The following GARIN1A variants were observed in gnomAD, a reference collection of about 807,000 sequenced individuals.
GARIN1A encodes the protein Golgi-associated RAB2 interactor protein 1A.
the GARIN1A span, among the ~76,000 whole-genome samples, chr7:128,702,206 G>C: frequency 2.0e-5 from 3 of 152,120 alleles, no homozygotes; most frequent in African/African-American, 4.8e-5. Context: ...ACTGAAACTT[G>C]AATCTGCACA....
chr7:128,698,500 C>T, the GARIN1A span, among the ~76,000 whole-genome samples: 1 of 152,172 alleles, frequency 6.6e-6, no homozygotes, highest in Admixed American at 6.5e-5. Flanking sequence ...CTATAATCTT[C>T]AATCTCTTCT....
the GARIN1A span, among the ~76,000 whole-genome samples, chr7:128,689,605 C>G: frequency 1.4e-5 from 2 of 142,364 alleles, no homozygotes; most frequent in Non-Finnish European, 3.2e-5. Context: ...GGCAGCCGCC[C>G]CGTCTGAGAA....
At chr7:128,708,080 A>G in the GARIN1A span, among the ~76,000 whole-genome samples, 1 of 150,222 alleles carries the variant, frequency 6.7e-6, no homozygotes, top group Non-Finnish European at 1.5e-5. Flanking sequence ...ATGGTATGTC[A>G]TGGCTCACTG....
the GARIN1A span, among the ~76,000 whole-genome samples, chr7:128,699,759 T>G: frequency 6.6e-6 from 1 of 152,242 alleles, no homozygotes; most frequent in Non-Finnish European, 1.5e-5. Flanking sequence ...TGTTTAAATA[T>G]TCTATATCCT....
At chr7:128,700,838 A>G in the GARIN1A span, among the ~76,000 whole-genome samples, 1 of 151,878 alleles carries the variant, frequency 6.6e-6, no homozygotes, top group Non-Finnish European at 1.5e-5. Context: ...TAACATGAGC[A>G]CACACACACA....
At chr7:128,683,383 C>T in the GARIN1A span, 1 of 378,948 alleles carries the variant, frequency 2.6e-6, no homozygotes, top group Non-Finnish European at 4.7e-6. Flanking sequence ...AGAACAGGAG[C>T]AGTTTTTGGA....
chr7:128,677,138 A>G, the GARIN1A span, among the ~76,000 whole-genome samples: 8 of 151,908 alleles, frequency 5.3e-5, no homozygotes, highest in African/African-American at 1.7e-4. Context: ...TTCTCCCTTC[A>G]GCATCCCCCA....
the GARIN1A span, among the ~76,000 whole-genome samples, chr7:128,676,712 C>A: frequency 6.6e-6 from 1 of 151,774 alleles, no homozygotes; most frequent in East Asian, 1.9e-4. Flanking sequence ...AGACAGCTAT[C>A]CTTTTCCTTG....
the GARIN1A span, among the ~76,000 whole-genome samples, chr7:128,672,712 A>G: frequency 9.2e-5 from 14 of 152,212 alleles, no homozygotes; most frequent in Admixed American, 4.6e-4. Flanking sequence ...CTGGGTCCCA[A>G]GTTCACCTCC....
At chr7:128,673,846 A>G in the GARIN1A span, among the ~76,000 whole-genome samples, 1 of 152,074 alleles carries the variant, frequency 6.6e-6, no homozygotes, top group Non-Finnish European at 1.5e-5. Context: ...GTCCAGTCTC[A>G]GGATCCAATT....
the GARIN1A span, among the ~76,000 whole-genome samples, chr7:128,698,502 A>G: frequency 1.6e-3 from 245 of 151,982 alleles, no homozygotes; most frequent in African/African-American, 5.2e-3. Context: ...ATAATCTTCA[A>G]TCTCTTCTGG....
the GARIN1A span, among the ~76,000 whole-genome samples, chr7:128,699,266 C>A: frequency 3.5e-5 from 5 of 141,050 alleles, 1 homozygote; most frequent in African/African-American, 5.1e-5. Context: ...TGCTGCCCCC[C>A]CCCCCCCACC....
At chr7:128,674,470 T>C in the GARIN1A span, among the ~76,000 whole-genome samples, 3 of 152,126 alleles carry the variant, frequency 2.0e-5, no homozygotes, top group South Asian at 2.1e-4. Flanking sequence ...GTTATAGTTA[T>C]AGTTGTTATA....
At chr7:128,683,550 A>C in the GARIN1A span, 1 of 152,012 alleles carries the variant, frequency 6.6e-6, no homozygotes, top group Non-Finnish European at 1.5e-5. Context: ...GGCTCACTGC[A>C]ACCTCCACCT....
At chr7:128,677,556 A>G in the GARIN1A span, 4 of 1,584,878 alleles carry the variant, frequency 2.5e-6, no homozygotes, top group Non-Finnish European at 3.4e-6. Context: ...TGTCCTGATT[A>G]TGTCCAGGCT....
At chr7:128,701,437 GAGGGGAGGGGA>G in the GARIN1A span, among the ~76,000 whole-genome samples, 1 of 83,604 alleles carries the variant, frequency 1.2e-5, no homozygotes. Context: ...AAGGGGAGGG[GAGGGGAGGGGA>G]GGGAAGGGAA....
chr7:128,682,159 AG>A, the GARIN1A span, among the ~76,000 whole-genome samples: 1 of 152,136 alleles, frequency 6.6e-6, no homozygotes, highest in Non-Finnish European at 1.5e-5. Context: ...GGGTTGTCCA[AG>A]GAAGGCTCTC....
chr7:128,699,499 C>T, the GARIN1A span, among the ~76,000 whole-genome samples: 17 of 152,180 alleles, frequency 1.1e-4, no homozygotes, highest in Non-Finnish European at 1.3e-4. Flanking sequence ...ACTTTGATGT[C>T]TGAATCTCAC....
the GARIN1A span, chr7:128,675,909 T>C: frequency 7.5e-7 from 1 of 1,326,694 alleles, no homozygotes; most frequent in East Asian, 2.3e-5. Flanking sequence ...GACTGGGATA[T>C]GCATTGCTTT....
Sources: gnomAD v4.1 joint callset for allele counts (sites outside exome capture counted in the v4.1 genomes callset) on GRCh38, gnomAD v4.1.1 for gene constraint, MANE v1.5 for transcripts, NCBI Gene and HGNC (gene_info 2026-07-23, HGNC 2026-07-21) for gene names.